MYH15: variants seen among roughly 807,000 people sequenced by gnomAD.
MYH15 encodes myosin-15.
Under a neutral mutation model 240.5 loss-of-function variants are expected in MYH15, and 227 were observed. That is an observed-to-expected ratio of 0.94 (90% CI 0.85 to 1.05). MYH15 has a LOEUF of 1.05. Ranked by LOEUF, MYH15 falls within the 50% of genes least tolerant of loss-of-function variation. The pLI is 0.00. For missense variants in MYH15, 2,217 were observed against 2,247.5 expected (o/e 0.99, Z 0.27); for synonymous variants, 785 against 796.7 (o/e 0.99, Z 0.25).
chr3:108,439,596 C>T lies in MYH15; in HGVS notation c.3075+141G>A, dbSNP rs968870413. ...GTGGTTTTGTGTATAAGAAAAAGAA[C>T]CCTTTTATTCTCAATAATCAGGAAA... On this transcript the variant is annotated intron_variant, in intron 24 of 40. Transcript: ENST00000693548. 4 of 736,604 alleles carry T rather than the reference C, an allele frequency of 5.4e-6. No individual in the cohort carries two copies. In the African/African-American group the frequency reaches 7.1e-5, roughly 13 times the overall value. 45.6% of individuals were successfully genotyped at this position (736,604 alleles called of 1,614,324 possible). A position where few individuals can be genotyped will look rare whatever the true frequency, so the allele number is the denominator to read the frequency against.
intron 37 of MYH15, among the ~76,000 whole-genome samples, chr3:108,390,623 T>C (rs1017002673): frequency 2.6e-5 from 4 of 152,224 alleles, no homozygotes; most frequent in African/African-American, 9.6e-5. Context: ...ATTCTTTTGT[T>C]ATTTTGTCCT....
intron 9 of MYH15, among the ~76,000 whole-genome samples, chr3:108,487,467 G>A (rs906020470): frequency 4.6e-5 from 7 of 152,160 alleles, no homozygotes; most frequent in African/African-American, 9.7e-5. Flanking sequence ...CTATAAATAC[G>A]TGCTAGAACA....
intron 1 of MYH15, chr3:108,529,127 G>T: frequency 2.8e-6 from 2 of 724,402 alleles, no homozygotes; most frequent in Non-Finnish European, 2.2e-6. Context: ...TTACATCATA[G>T]CCTATTTTTA....
At chr3:108,527,521 TTTAA>T (rs1277215811) in intron 1 of MYH15, among the ~76,000 whole-genome samples, 3 of 152,076 alleles carry the variant, frequency 2.0e-5, no homozygotes, top group African/African-American at 4.8e-5. Context: ...TCTAATAGAG[TTTAA>T]TTATTTTTTT....
chr3:108,465,357 G>T (rs1560396141), intron 14 of MYH15, among the ~76,000 whole-genome samples: 1 of 152,176 alleles, frequency 6.6e-6, no homozygotes, highest in African/African-American at 2.4e-5. Context: ...GGCCAGTGTG[G>T]GCAGAGAAAA....
chr3:108,383,809 A>C (rs895750712), intron 39 of MYH15, 80 bp from the exon 40 acceptor site: 38 of 1,131,436 alleles, frequency 3.4e-5, no homozygotes, highest in Non-Finnish European at 4.4e-5. Context: ...TGACATGAGA[A>C]AGTTGAATAA....
chr3:108,409,559 C>T (rs1475351808), intron 31 of MYH15, among the ~76,000 whole-genome samples: 5 of 152,206 alleles, frequency 3.3e-5, no homozygotes, highest in African/African-American at 1.2e-4. Flanking sequence ...GTCACGTCTC[C>T]ATCTAGTGCC....
chr3:108,392,571 G>A (rs2082429717), intron 36 of MYH15, among the ~76,000 whole-genome samples: 1 of 152,180 alleles, frequency 6.6e-6, no homozygotes, highest in Non-Finnish European at 1.5e-5. Context: ...GGCCCTCACA[G>A]CCCAAGCTTT....
At chr3:108,521,212 C>A (rs1034343565) in intron 1 of MYH15, among the ~76,000 whole-genome samples, 1 of 151,914 alleles carries the variant, frequency 6.6e-6, no homozygotes, top group African/African-American at 2.4e-5. Context: ...AGAAAATTTT[C>A]TTTTACTGAG....
chr3:108,431,237 C>A (rs1248318647), intron 25 of MYH15, among the ~76,000 whole-genome samples: 1 of 152,170 alleles, frequency 6.6e-6, no homozygotes, highest in Non-Finnish European at 1.5e-5. Flanking sequence ...TTTAAAACTT[C>A]AATGATTATA....
intron 25 of MYH15, among the ~76,000 whole-genome samples, chr3:108,436,773 G>A (rs9288874): frequency 0.1 from 15,868 of 152,040 alleles, 1,582 homozygotes; most frequent in East Asian, 0.53. Flanking sequence ...TCTTGACCTC[G>A]TGATCCACCC....
chr3:108,469,073 A>T (rs1186489797), intron 14 of MYH15, among the ~76,000 whole-genome samples: 1 of 152,208 alleles, frequency 6.6e-6, no homozygotes, highest in Non-Finnish European at 1.5e-5. Flanking sequence ...AAATAAATAA[A>T]ATCAACGGGA....
chr3:108,387,821 G>A (rs529010115), intron 38 of MYH15, among the ~76,000 whole-genome samples: 52 of 152,254 alleles, frequency 3.4e-4, no homozygotes, highest in Non-Finnish European at 5.3e-4. Context: ...AAAAGGAACC[G>A]CTTAATAATA....
At chr3:108,486,609 G>T in intron 9 of MYH15, 83 bp from the exon 10 acceptor site, 1 of 886,726 alleles carries the variant, frequency 1.1e-6, no homozygotes, top group Non-Finnish European at 1.8e-6. Context: ...TCGCAGTTTA[G>T]TCTACAGTTT....
chr3:108,499,391 T>C, intron 5 of MYH15, 64 bp downstream of exon 5: 2 of 1,494,080 alleles, frequency 1.3e-6, no homozygotes, highest in Non-Finnish European at 1.9e-6. Flanking sequence ...CCCAGTGAAA[T>C]GGAGGTATCT....
chr3:108,545,672 T>C, the MYH15 span, among the ~76,000 whole-genome samples: 7 of 147,760 alleles, frequency 4.7e-5, no homozygotes, highest in Non-Finnish European at 1.0e-4. Context: ...GTTACCACTG[T>C]TCACTGTTTC....
chr3:108,425,599 T>C (rs2082719400), intron 27 of MYH15, among the ~76,000 whole-genome samples: 1 of 152,040 alleles, frequency 6.6e-6, no homozygotes, highest in Admixed American at 6.6e-5. Context: ...ACTTAGAACG[T>C]GAGTTATAAA....
chr3:108,484,912 G>A (rs1271629848), intron 11 of MYH15, among the ~76,000 whole-genome samples, 179 bp downstream of exon 11: 1 of 152,164 alleles, frequency 6.6e-6, no homozygotes, highest in Non-Finnish European at 1.5e-5. Context: ...TTCTTATTCT[G>A]TGATAGGAGG....
chr3:108,454,574 T>A (rs1333673339), intron 20 of MYH15, among the ~76,000 whole-genome samples: 2 of 152,146 alleles, frequency 1.3e-5, no homozygotes, highest in African/African-American at 2.4e-5. Flanking sequence ...CTTGTTTTTT[T>A]AAACAATTCG....
Sources: allele counts gnomAD v4.1 joint callset (sites outside exome capture counted in the v4.1 genomes callset), GRCh38; gene constraint gnomAD v4.1.1; transcripts MANE v1.5; gene names NCBI Gene and HGNC (gene_info 2026-07-23, HGNC 2026-07-21).